The following ACTL6A variants were observed in gnomAD, a reference collection of about 807,000 sequenced individuals.
ACTL6A encodes the protein actin-like protein 6A.
A neutral mutation model predicts 59.2 loss-of-function variants in ACTL6A; 5 were observed. The ratio of observed to expected loss-of-function variants is 0.08; its 90% CI spans 0.04 to 0.18. ACTL6A has a LOEUF of 0.18. ACTL6A is among the 10% of genes least tolerant of loss of function. The pLI, the probability that ACTL6A is intolerant of heterozygous loss-of-function variation, is 1.00. For synonymous variants in ACTL6A, 154 were observed against 171.8 expected, an observed-to-expected ratio of 0.90 and a Z score of 0.81; for missense variants, 285 against 526.9, an observed-to-expected ratio of 0.54 and a Z score of 4.49.
chr3:179,587,054 C>T (rs1328077531), intron 13 of ACTL6A, among the ~76,000 whole-genome samples: 26 of 152,048 alleles, frequency 1.7e-4, no homozygotes, highest in Non-Finnish European at 5.9e-5. Context: ...AGTCATGGTG[C>T]GGGGTGTAAG....
In ACTL6A at chr3:179,576,921, A is replaced by AC; in HGVS notation, c.768+11dup. ...CACAATTATATGTGTAATGTAAGTA[A>AC]CCCTCATTCTCTTTACAAAAATGTT... On this transcript the variant is annotated intron_variant, in intron 8 of 13. Transcript: ENST00000429709. The AC allele has an allele frequency of 6.2e-7, 1 of 1,602,370 alleles. No homozygotes were observed. The highest frequency in any genetic ancestry group is 1.7e-4 in the Middle Eastern group (1 of 5,856).
Position 179,586,563 on chromosome 3 carries a change from G to A in ACTL6A, c.1140G>A (p.Leu380=). ...QKTPPSMRLK[L]IANNTTVERR... ...TATTTCAGAGTATGCGGTTGAAATT[G>A]ATTGCAAATAATACAACAGTGGAAC... Residue 380 remains leucine, a synonymous_variant, in exon 13 of 14, where the codon TTG becomes TTA. Coordinates refer to ENST00000429709, the MANE Select transcript of ACTL6A (RefSeq NM_004301.5). The A allele has an allele frequency of 6.3e-7, 1 of 1,584,966 alleles. No individual in the cohort carries two copies. Among genetic ancestry groups the A allele is most frequent in the Non-Finnish European group, 8.6e-7 (1 of 1,168,936 alleles).
chr3:179,584,163 C>G (rs1325160609), intron 12 of ACTL6A: 1 of 152,152 alleles, frequency 6.6e-6, no homozygotes, highest in African/African-American at 2.4e-5. Flanking sequence ...GGGAAAATAC[C>G]TCCTTCTTCA....
chr3:179,564,575 C>T (rs1717773849), intron 1 of ACTL6A, among the ~76,000 whole-genome samples: 1 of 152,086 alleles, frequency 6.6e-6, no homozygotes, highest in African/African-American at 2.4e-5. Context: ...AAGCAGGGTA[C>T]AGGAATTAGA....
chr3:179,568,527 C>CT (rs35012560), intron 1 of ACTL6A, among the ~76,000 whole-genome samples: 13,605 of 139,878 alleles, frequency 0.097, 660 homozygotes, highest in South Asian at 0.18. Flanking sequence ...TGCATATTTT[C>CT]TTTTTTTTTT....
At chr3:179,586,674 TA>T in intron 13 of ACTL6A, 42 bp downstream of exon 13, 2 of 1,443,892 alleles carry the variant, frequency 1.4e-6, no homozygotes, top group Non-Finnish European at 1.9e-6. Context: ...CTTACTGAAT[TA>T]TACTAAATTT....
chr3:179,574,656 G>A (rs972272836), intron 5 of ACTL6A, 189 bp downstream of exon 5: 2 of 506,598 alleles, frequency 3.9e-6, no homozygotes, highest in Middle Eastern at 5.2e-4. Context: ...GAAGGTATGA[G>A]GGAAATAAAA....
chr3:179,572,961 G>A (rs1326215621), intron 3 of ACTL6A, among the ~76,000 whole-genome samples: 1 of 149,390 alleles, frequency 6.7e-6, no homozygotes, highest in African/African-American at 2.4e-5. Context: ...TGAGTGTCGG[G>A]TCTAGACCAT....
intron 1 of ACTL6A, among the ~76,000 whole-genome samples, chr3:179,565,041 C>T (rs1315785765): frequency 6.6e-6 from 1 of 151,860 alleles, no homozygotes; most frequent in Non-Finnish European, 1.5e-5. Context: ...AGTTTAATTG[C>T]CATATTATTT....
At chr3:179,563,210 TC>T in intron 1 of ACTL6A, 93 bp downstream of exon 1, 1 of 1,515,298 alleles carries the variant, frequency 6.6e-7, no homozygotes, top group Non-Finnish European at 8.9e-7. Context: ...GGCGTTCCCT[TC>T]CGGTCTCCCC....
chr3:179,576,231 G>A lies in ACTL6A; in HGVS notation c.491G>A (p.Arg164His), dbSNP rs939181350. The A allele has an allele frequency of 2.5e-6, 4 of 1,613,260 alleles. No individual in the cohort carries two copies. Among genetic ancestry groups the A allele is most frequent in the Middle Eastern group, 1.6e-4 (1 of 6,082 alleles). ...TTTTAAACTAGATTTGCTAATGGTC[G>A]TTCTACTGGGCTGATTTTGGACAGT... ...TAVLTAFANG[R>H]STGLILDSGA... The change falls in exon 6 of 14, where the codon CGT (arginine) becomes CAT (histidine). Residue 164 changes from arginine to histidine, a missense_variant. Coordinates refer to ENST00000429709, the MANE Select transcript of ACTL6A (RefSeq NM_004301.5).
At chr3:179,569,780 T>TA (rs754367764) in intron 1 of ACTL6A, 44 bp from the exon 2 acceptor site, 2 of 1,559,822 alleles carry the variant, frequency 1.3e-6, no homozygotes, top group South Asian at 2.2e-5. Flanking sequence ...TTTCATATGA[T>TA]ACTTTTGCAA....
intron 8 of ACTL6A, among the ~76,000 whole-genome samples, chr3:179,577,607 C>T (rs1718206243): frequency 6.6e-6 from 1 of 152,198 alleles, no homozygotes; most frequent in East Asian, 1.9e-4. Context: ...AGCCTAGTAC[C>T]CAATAGTTAT....
At chr3:179,587,258 T>TAA (rs1219444370) in intron 13 of ACTL6A, among the ~76,000 whole-genome samples, 1 of 152,062 alleles carries the variant, frequency 6.6e-6, no homozygotes, top group African/African-American at 2.4e-5. Flanking sequence ...ATACTGTATA[T>TAA]AAAGGGGGAG....
chr3:179,567,334 C>G (rs1304358531), intron 1 of ACTL6A, among the ~76,000 whole-genome samples: 2 of 151,986 alleles, frequency 1.3e-5, no homozygotes, highest in Admixed American at 1.3e-4. Flanking sequence ...CCATTGCACC[C>G]CAGCCTGGGC....
intron 1 of ACTL6A, among the ~76,000 whole-genome samples, chr3:179,569,232 C>T (rs1046969026): frequency 1.3e-5 from 2 of 152,256 alleles, no homozygotes; most frequent in Non-Finnish European, 2.9e-5. Flanking sequence ...GGTAGCCCTC[C>T]CCATACAACT....
chr3:179,581,684 A>C (rs1553778210), intron 11 of ACTL6A, among the ~76,000 whole-genome samples: 1 of 152,200 alleles, frequency 6.6e-6, no homozygotes, highest in Non-Finnish European at 1.5e-5. Flanking sequence ...CGTGGTTTAA[A>C]TTATATGAGT....
chr3:179,587,780 C>A, intron 13 of ACTL6A, 150 bp from the exon 14 acceptor site: 3 of 585,694 alleles, frequency 5.1e-6, no homozygotes, highest in Non-Finnish European at 5.8e-6. Context: ...ATCCCTTGAA[C>A]CAAGAAGTTC....
At chr3:179,565,756 C>T (rs1717816278) in intron 1 of ACTL6A, among the ~76,000 whole-genome samples, 1 of 152,058 alleles carries the variant, frequency 6.6e-6, no homozygotes, top group Non-Finnish European at 1.5e-5. Flanking sequence ...TTTCAACTGG[C>T]TAGAGTGATT....
Sources: gnomAD v4.1 joint callset for allele counts (sites outside exome capture counted in the v4.1 genomes callset) on GRCh38, gnomAD v4.1.1 for gene constraint, MANE v1.5 for transcripts, NCBI Gene and HGNC (gene_info 2026-07-23, HGNC 2026-07-21) for gene names.